RPS6KC1: variants seen among roughly 807,000 people sequenced by gnomAD.
RPS6KC1 encodes the protein inactive ribosomal protein S6 kinase delta-1.
In RPS6KC1, 54 loss-of-function variants were observed where a neutral mutation model predicts 103.8. That is an observed-to-expected ratio of 0.52 (90% confidence interval 0.42 to 0.65). The LOEUF is 0.65. RPS6KC1 is among the 30% of genes least tolerant of loss of function. The pLI is 0.00. For synonymous variants in RPS6KC1, 439 were observed against 438.7 expected, an observed-to-expected ratio of 1.00 and a Z score of -0.01; for missense variants, 1,151 against 1,253.8, an observed-to-expected ratio of 0.92 and a Z score of 1.24.
chr1:213,645,817 TATC>T, the RPS6KC1 span, among the ~76,000 whole-genome samples: 2 of 152,204 alleles, frequency 1.3e-5, no homozygotes, highest in African/African-American at 2.4e-5. Flanking sequence ...AGCACTGACT[TATC>T]ATCATAAAGC....
the RPS6KC1 span, among the ~76,000 whole-genome samples, chr1:213,828,362 T>G: frequency 6.6e-6 from 1 of 152,194 alleles, no homozygotes; most frequent in South Asian, 2.1e-4. Flanking sequence ...TTCACTGGAT[T>G]TCCCATTAAA....
At chr1:213,653,115 A>C in the RPS6KC1 span, among the ~76,000 whole-genome samples, 7 of 152,248 alleles carry the variant, frequency 4.6e-5, no homozygotes, top group Non-Finnish European at 1.0e-4. Flanking sequence ...CATAGAATAC[A>C]GTCCATGTGA....
the RPS6KC1 span, among the ~76,000 whole-genome samples, chr1:213,318,527 T>TC: frequency 1.3e-5 from 2 of 152,360 alleles, no homozygotes; most frequent in South Asian, 4.1e-4. Flanking sequence ...TTGTTGAGTT[T>TC]CCTACTATGT....
chr1:213,456,170 G>A, the RPS6KC1 span, among the ~76,000 whole-genome samples: 2 of 152,186 alleles, frequency 1.3e-5, no homozygotes, highest in East Asian at 1.9e-4. Flanking sequence ...AACTTGCCAC[G>A]GAGTGTGCGT....
the RPS6KC1 span, among the ~76,000 whole-genome samples, chr1:213,346,170 AT>A: frequency 2.6e-5 from 4 of 152,278 alleles, no homozygotes; most frequent in African/African-American, 9.6e-5. Flanking sequence ...TAACAAATGT[AT>A]TTTTTTCTAA....
At chr1:213,829,865 A>G in the RPS6KC1 span, among the ~76,000 whole-genome samples, 7 of 152,312 alleles carry the variant, frequency 4.6e-5, no homozygotes, top group African/African-American at 1.7e-4. Flanking sequence ...CTGTGTATGC[A>G]TTGTAACTAG....
chr1:213,845,945 C>A, the RPS6KC1 span, among the ~76,000 whole-genome samples: 3 of 151,928 alleles, frequency 2.0e-5, no homozygotes, highest in African/African-American at 4.8e-5. Flanking sequence ...TCTCTTCCAC[C>A]TGATAACCCC....
At chr1:213,385,743 TG>T in the RPS6KC1 span, among the ~76,000 whole-genome samples, 2 of 152,128 alleles carry the variant, frequency 1.3e-5, no homozygotes, top group African/African-American at 4.8e-5. Context: ...GTTGACAATT[TG>T]GGGAATTTTC....
the RPS6KC1 span, among the ~76,000 whole-genome samples, chr1:213,318,519 G>T: frequency 6.6e-6 from 1 of 152,218 alleles, no homozygotes; most frequent in African/African-American, 2.4e-5. Flanking sequence ...ACAAATATTT[G>T]TTGAGTTTCC....
At chr1:213,499,614 C>T in the RPS6KC1 span, among the ~76,000 whole-genome samples, 11 of 152,104 alleles carry the variant, frequency 7.2e-5, no homozygotes, top group Admixed American at 3.9e-4. Context: ...AATGCTGGCT[C>T]GCTTGCTGCT....
chr1:213,195,868 TTATC>T (rs1297092824), intron 8 of RPS6KC1, among the ~76,000 whole-genome samples: 1 of 151,712 alleles, frequency 6.6e-6, no homozygotes, highest in Non-Finnish European at 1.5e-5. Flanking sequence ...CATATTTTCT[TTATC>T]TACTTGTTGG....
At chr1:213,549,518 T>C in the RPS6KC1 span, among the ~76,000 whole-genome samples, 4 of 152,176 alleles carry the variant, frequency 2.6e-5, no homozygotes, top group African/African-American at 4.8e-5. Context: ...TGTTCCCTGT[T>C]CTCTTCTACC....
the RPS6KC1 span, among the ~76,000 whole-genome samples, chr1:213,500,338 C>T: frequency 6.6e-6 from 1 of 152,124 alleles, no homozygotes; most frequent in South Asian, 2.1e-4. Context: ...TCTTCAAGGG[C>T]AATAGCACTA....
the RPS6KC1 span, among the ~76,000 whole-genome samples, chr1:213,570,946 A>G: frequency 1.4e-4 from 21 of 152,358 alleles, no homozygotes; most frequent in African/African-American, 4.8e-4. Context: ...AACCAAAGTT[A>G]AAATAATGTC....
chr1:213,791,442 A>C, the RPS6KC1 span, among the ~76,000 whole-genome samples: 1 of 152,120 alleles, frequency 6.6e-6, no homozygotes, highest in Non-Finnish European at 1.5e-5. Flanking sequence ...ATATGCAAGT[A>C]TGTTTGTTAA....
At chr1:213,670,753 C>T in the RPS6KC1 span, among the ~76,000 whole-genome samples, 11 of 152,134 alleles carry the variant, frequency 7.2e-5, no homozygotes, top group Admixed American at 2.0e-4. Flanking sequence ...GTGGTGGGGA[C>T]AGGTTCCACT....
At chr1:213,108,650 CTTCT>C (rs1299670108) in intron 4 of RPS6KC1, among the ~76,000 whole-genome samples, 1 of 147,336 alleles carries the variant, frequency 6.8e-6, no homozygotes, top group Non-Finnish European at 1.5e-5. Context: ...TATTATTTTA[CTTCT>C]TTTTTTTTTT....
the RPS6KC1 span, among the ~76,000 whole-genome samples, chr1:213,388,677 G>A: frequency 9.9e-5 from 15 of 152,126 alleles, no homozygotes; most frequent in African/African-American, 2.2e-4. Flanking sequence ...TATCTCCCTC[G>A]CTGGGACCCT....
At chr1:213,563,508 T>G in the RPS6KC1 span, among the ~76,000 whole-genome samples, 9 of 102,408 alleles carry the variant, frequency 8.8e-5, no homozygotes, top group African/African-American at 2.5e-4. Context: ...TTATTGTGGT[T>G]AAACTTTTTT....
Sources: gnomAD v4.1 joint callset for allele counts (sites outside exome capture counted in the v4.1 genomes callset) on GRCh38, gnomAD v4.1.1 for gene constraint, MANE v1.5 for transcripts, NCBI Gene and HGNC (gene_info 2026-07-23, HGNC 2026-07-21) for gene names.